Variants in PREP observed in about 807,000 individuals in gnomAD.
PREP encodes dJ355L5.1 (prolyl endopeptidase).
Under a neutral mutation model 87.6 loss-of-function variants are expected in PREP, and 29 were observed. The ratio of observed to expected loss-of-function variants is 0.33; its 90% CI spans 0.25 to 0.45. The LOEUF (loss-of-function observed/expected upper bound fraction) is 0.45, where lower values mean the gene tolerates loss of function less well. Ranked by LOEUF, PREP falls within the 20% of genes least tolerant of loss-of-function variation. The pLI is 1.00. For synonymous variants in PREP, 337 were observed against 328.6 expected, an observed-to-expected ratio of 1.03 and a Z score of -0.28; for missense variants, 695 against 886.5, an observed-to-expected ratio of 0.78 and a Z score of 2.74.
In PREP at chr6:105,377,317, T is replaced by A. The variant is rs1284651789; in HGVS notation, c.254+69A>T. 6.1e-6 allele frequency: 9 copies of A among 1,486,778 alleles called. No homozygotes were observed. In the Admixed American group the frequency reaches 8.7e-5, roughly 14 times the overall value. The allele number at this position is 1,486,778 out of a possible 1,614,324, so 92.1% of individuals were successfully genotyped here. ...TATACAAGGACAAGTTATCTGGAAT[T>A]TGTATTTTACAATTTAAGAAAGCAT... is the stretch of plus-strand genomic sequence containing the variant. On this transcript the variant is annotated intron_variant, in intron 3 of 14. Transcript: ENST00000652536.
At chr6:105,379,794 C>T (rs1772789125) in intron 2 of PREP, among the ~76,000 whole-genome samples, 1 of 152,190 alleles carries the variant, frequency 6.6e-6, no homozygotes, top group African/African-American at 2.4e-5. Flanking sequence ...GTGACAAGTC[C>T]AAGCTAAAAT....
At chr6:105,308,925 A>T (rs1442433817) in intron 10 of PREP, among the ~76,000 whole-genome samples, 1 of 152,072 alleles carries the variant, frequency 6.6e-6, no homozygotes, top group African/African-American at 2.4e-5. Flanking sequence ...CACAGGATGG[A>T]GAGCGAAGGA....
chr6:105,357,521 T>C (rs568069865), intron 6 of PREP, among the ~76,000 whole-genome samples: 40 of 152,334 alleles, frequency 2.6e-4, no homozygotes, highest in African/African-American at 9.4e-4. Context: ...CATCACAATC[T>C]GGAGTTGCTC....
intron 10 of PREP, among the ~76,000 whole-genome samples, chr6:105,312,182 T>C (rs891050393): frequency 1.3e-5 from 2 of 152,238 alleles, no homozygotes; most frequent in South Asian, 4.1e-4. Flanking sequence ...ACAATCACCC[T>C]CTACCTGAAC....
chr6:105,356,907 A>C (rs1332932724), intron 6 of PREP, among the ~76,000 whole-genome samples: 1 of 152,142 alleles, frequency 6.6e-6, no homozygotes, highest in East Asian at 1.9e-4. Context: ...CCAATCTAAA[A>C]ATCTGTATTC....
At chr6:105,389,678 C>T (rs552436842) in intron 2 of PREP, among the ~76,000 whole-genome samples, 2 of 152,230 alleles carry the variant, frequency 1.3e-5, no homozygotes, top group South Asian at 2.1e-4. Flanking sequence ...GCTCTGAAAA[C>T]GTAGTGGCCA....
chr6:105,307,290 TTTC>T (rs1360416207), intron 10 of PREP, among the ~76,000 whole-genome samples: 10 of 152,302 alleles, frequency 6.6e-5, no homozygotes, highest in East Asian at 1.9e-4. Context: ...TATGATTTCT[TTTC>T]TTCATTATTT....
chr6:105,380,488 T>C (rs1025482018), intron 2 of PREP, among the ~76,000 whole-genome samples: 7 of 152,014 alleles, frequency 4.6e-5, no homozygotes, highest in Non-Finnish European at 7.4e-5. Context: ...GAACAGACTA[T>C]AGGGGAGCAA....
chr6:105,390,675 G>A (rs545987710), intron 2 of PREP, among the ~76,000 whole-genome samples: 1 of 152,218 alleles, frequency 6.6e-6, no homozygotes, highest in Non-Finnish European at 1.5e-5. Context: ...CAATAAGATG[G>A]AGTAAGATGG....
intron 1 of PREP, among the ~76,000 whole-genome samples, chr6:105,402,469 C>G (rs1293478596): frequency 6.6e-6 from 1 of 152,062 alleles, no homozygotes; most frequent in Admixed American, 6.5e-5. Flanking sequence ...CACACCCCAG[C>G]GGACACTTTC....
At chr6:105,308,234 C>T (rs1339818807) in intron 10 of PREP, among the ~76,000 whole-genome samples, 2 of 151,878 alleles carry the variant, frequency 1.3e-5, no homozygotes, top group Non-Finnish European at 2.9e-5. Context: ...AAGATTTGAC[C>T]GTCCAGAGGC....
Position 105,309,296 on chromosome 6 carries a change from G to A in PREP, c.1317+14369C>T, listed in dbSNP as rs894847419. Among the ~76,000 whole-genome samples the A allele has an allele frequency of 2.0e-5, 3 of 152,160 alleles. No homozygotes were observed. The East Asian group carries it at 5.8e-4, about 29-fold the overall frequency. ...GATCTCAGAACTGACTGCCCTGCCT[G>A]CTAACACTGACCCCAGCCAGGATGT... On this transcript the variant is annotated intron_variant, in intron 10 of 14. Coordinates refer to ENST00000652536, the MANE Select transcript of PREP (RefSeq NM_002726.5).
In PREP at chr6:105,363,516, C is replaced by A. The variant is rs370359101; in HGVS notation, c.717+5387G>T. Among the ~76,000 whole-genome samples the A allele has an allele frequency of 1.1e-3, 171 of 152,280 alleles. 6 individuals carry two copies. In the South Asian group the frequency reaches 0.02, roughly 18 times the overall value. ...ACCTCTGCCCATCAAAGCCCAATGG[C>A]AGCTGTTTCATGTTACACCCCAGGG... On this transcript the variant is annotated intron_variant, in intron 6 of 14. Transcript: ENST00000652536.
chr6:105,357,171 TTAATA>T (rs1772120480), intron 6 of PREP, among the ~76,000 whole-genome samples: 1 of 152,248 alleles, frequency 6.6e-6, no homozygotes, highest in Non-Finnish European at 1.5e-5. Context: ...TATAATCTTA[TTAATA>T]TAATTGAAAG....
chr6:105,396,271 A>G (rs1044052131), intron 2 of PREP, among the ~76,000 whole-genome samples: 2 of 152,262 alleles, frequency 1.3e-5, no homozygotes, highest in Non-Finnish European at 2.9e-5. Flanking sequence ...ATCTCAAAAT[A>G]GCAGTGTGCT....
At chr6:105,299,613 G>A (rs1435690770) in intron 10 of PREP, among the ~76,000 whole-genome samples, 2 of 152,030 alleles carry the variant, frequency 1.3e-5, no homozygotes, top group African/African-American at 2.4e-5. Flanking sequence ...AAAAATACCC[G>A]CCAAGGCAAC....
At chr6:105,374,040 C>A (rs1230200994) in intron 4 of PREP, among the ~76,000 whole-genome samples, 1 of 152,094 alleles carries the variant, frequency 6.6e-6, no homozygotes, top group Non-Finnish European at 1.5e-5. Context: ...GAGATTGATT[C>A]CAAATTATCT....
intron 10 of PREP, among the ~76,000 whole-genome samples, chr6:105,318,800 T>C (rs191795222): frequency 1.1e-4 from 17 of 152,324 alleles, no homozygotes; most frequent in Admixed American, 3.3e-4. Context: ...TTCTGACCTA[T>C]ACCCAATCAC....
In PREP at chr6:105,402,913, A is replaced by T. The variant is rs753279673; in HGVS notation, c.-22T>A. 5.1e-5 allele frequency: 72 copies of T among 1,421,048 alleles called. No individual in the cohort carries two copies. The highest frequency in any genetic ancestry group is 2.8e-6 in the Non-Finnish European group (3 of 1,054,658). The allele number at this position is 1,421,048 out of a possible 1,614,324, so 88.0% of individuals were successfully genotyped here. ...GCATGGCCGGGGACAGGCAGGGGGC[A>T]GCGTGGAGGGGCGCGGGCTCCGGGA... On this transcript the variant is annotated 5_prime_UTR_variant, in exon 1 of 15. Coordinates refer to ENST00000652536, the MANE Select transcript of PREP (RefSeq NM_002726.5).
Sources: allele counts gnomAD v4.1 joint callset (sites outside exome capture counted in the v4.1 genomes callset), GRCh38; gene constraint gnomAD v4.1.1; transcripts MANE v1.5; gene names NCBI Gene and HGNC (gene_info 2026-07-23, HGNC 2026-07-21).